Variants in WASHC2A observed in about 807,000 individuals in gnomAD.
WASHC2A encodes the protein WASH complex subunit FAM21A.
In WASHC2A, 82 loss-of-function variants were observed where a neutral mutation model predicts 140.3. The ratio of observed to expected loss-of-function variants is 0.58; its 90% CI spans 0.49 to 0.70. The LOEUF is 0.70. WASHC2A is among the 30% of genes least tolerant of loss of function. WASHC2A has a pLI of 0.00. For synonymous variants in WASHC2A, 340 were observed against 560.8 expected (o/e 0.61, Z 5.56); for missense variants, 985 against 1,521.8 (o/e 0.65, Z 5.87).
At position 50,091,463 on chromosome 10, in the gene WASHC2A, G is replaced by T. The variant is rs1182169052; in HGVS notation, c.876G>T (p.Glu292Asp). The T allele has an allele frequency of 1.5e-5, 24 of 1,550,638 alleles. No individual in the cohort carries two copies. In the African/African-American group the frequency reaches 3.1e-4, roughly 20 times the overall value. ...GCAGACCTACATCGTTTGCAGATGA[G>T]CTGGCTGCCCGCATCAAGGGGGATG... ...KRSRPTSFADELAARIKGDAV... is the reference protein window; with the variant it reads ...KRSRPTSFADDLAARIKGDAV... Residue 292 changes from glutamate to aspartate, a missense_variant, in exon 10 of 31, where the codon GAG becomes GAT. Glu to Asp is a conservative substitution (Grantham distance 45). Transcript: ENST00000282633.
intron 25 of WASHC2A, 92 bp downstream of exon 25, chr10:50,125,541 G>C: frequency 1.2e-6 from 2 of 1,610,246 alleles, no homozygotes; most frequent in Non-Finnish European, 8.5e-7. Context: ...GAAAATCCTA[G>C]GAGAGTCGTG....
intron 28 of WASHC2A, among the ~76,000 whole-genome samples, chr10:50,128,631 C>T (rs1476072081): frequency 2.6e-5 from 4 of 152,134 alleles, no homozygotes; most frequent in Non-Finnish European, 4.4e-5. Context: ...ACAAAACCGC[C>T]TTCCTTTTAA....
chr10:50,075,657 C>T (rs1838246396), intron 3 of WASHC2A, among the ~76,000 whole-genome samples: 1 of 149,096 alleles, frequency 6.7e-6, no homozygotes. Context: ...TTCTTTTCTT[C>T]ATTGACTATT....
In WASHC2A at chr10:50,095,552, G is replaced by T. The variant is rs782669589; in HGVS notation, c.1241-47G>T. On this transcript the variant is annotated intron_variant, in intron 14 of 30. Coordinates refer to ENST00000282633, the MANE Select transcript of WASHC2A (RefSeq NM_001005751.3). ...TAATTTTTTTCTGTAAATTCAACCG[G>T]CCCACACTGGCTCACAGCTGTGGCT... 3.7e-6 allele frequency: 6 copies of T among 1,610,270 alleles called. No homozygotes were observed. The African/African-American group carries it at 4.0e-5, about 11-fold the overall frequency.
intron 17 of WASHC2A, among the ~76,000 whole-genome samples, chr10:50,102,576 A>C (rs1298150012): frequency 2.0e-5 from 3 of 151,294 alleles, no homozygotes; most frequent in Non-Finnish European, 4.4e-5. Flanking sequence ...GACTCCGGGG[A>C]GCACAGGGGA....
chr10:50,102,222 G>A (rs782414859), intron 17 of WASHC2A, among the ~76,000 whole-genome samples: 7,452 of 151,996 alleles, frequency 0.049, 282 homozygotes, highest in African/African-American at 0.11. Context: ...GGCAAGGAGA[G>A]GTAAAACTAA....
At position 50,133,460 on chromosome 10, in the gene WASHC2A, CCCCCCA is replaced by C. The variant is rs2133156424; in HGVS notation, c.*517_*522del. Reference sequence around the variant, plus strand: ...AAGGCAAAGTTTGGCAAACTGTGGCCCCCCCACTGTCATATTTTGTTAATAAAATTT... The same window carrying C: ...AAGGCAAAGTTTGGCAAACTGTGGCCCTGTCATATTTTGTTAATAAAATTT... On this transcript the variant is annotated 3_prime_UTR_variant, in exon 31 of 31. Coordinates refer to ENST00000282633, the MANE Select transcript of WASHC2A (RefSeq NM_001005751.3). 1 of 469,924 alleles carries C rather than the reference CCCCCCA, an allele frequency of 2.1e-6. No homozygotes were observed. Among genetic ancestry groups the C allele is most frequent in the East Asian group, 6.9e-5 (1 of 14,414 alleles). 29.1% of individuals were successfully genotyped at this position (469,924 alleles called of 1,614,324 possible).
intron 27 of WASHC2A, 59 bp downstream of exon 27, chr10:50,127,281 G>T: frequency 1.9e-6 from 3 of 1,611,714 alleles, no homozygotes; most frequent in Non-Finnish European, 2.5e-6. Flanking sequence ...ACTTTTTTGG[G>T]TTTCCTACTT....
intron 3 of WASHC2A, among the ~76,000 whole-genome samples, chr10:50,076,659 A>T (rs1407266921): frequency 6.6e-6 from 1 of 151,986 alleles, no homozygotes; most frequent in African/African-American, 2.4e-5. Context: ...ATCCCTCTCT[A>T]GGTATATAAA....
intron 17 of WASHC2A, among the ~76,000 whole-genome samples, chr10:50,101,663 G>A (rs1841192429): frequency 6.6e-6 from 1 of 152,240 alleles, no homozygotes; most frequent in African/African-American, 2.4e-5. Flanking sequence ...CTTACGAGAT[G>A]TTCTGGTTAT....
intron 17 of WASHC2A, among the ~76,000 whole-genome samples, chr10:50,103,477 G>C (rs1473043599): frequency 6.6e-6 from 1 of 152,090 alleles, no homozygotes; most frequent in Admixed American, 6.6e-5. Context: ...GGAGAATGGC[G>C]TGAATCCGGG....
At chr10:50,072,916 T>C (rs1554876764) in intron 3 of WASHC2A, among the ~76,000 whole-genome samples, 2 of 152,254 alleles carry the variant, frequency 1.3e-5, no homozygotes, top group African/African-American at 2.4e-5. Flanking sequence ...GATAGGTTTC[T>C]GGGTCTTATT....
In WASHC2A at chr10:50,095,609, T is replaced by A; in HGVS notation, c.1251T>A (p.Asp417Glu). 6.2e-7 allele frequency: 1 copy of A among 1,611,900 alleles called. No homozygotes were observed. Among genetic ancestry groups the A allele is most frequent in the Non-Finnish European group, 8.5e-7 (1 of 1,179,856 alleles). The change falls in exon 15 of 31, where the codon GAT (aspartate) becomes GAA (glutamate). Residue 417 changes from aspartate to glutamate, a missense_variant. Asp to Glu is a conservative substitution (Grantham distance 45). Transcript: ENST00000282633. ...TCTTTCCACCCACAGGAGACACGGA[T>A]GTGTTTGGTGCTGCCTCCGTTCCAT... is the stretch of plus-strand genomic sequence containing the variant. ...GAVSVFLGDT[D>E]VFGAASVPSM...
In WASHC2A at chr10:50,126,056, G is replaced by A. The variant is rs1554894844; in HGVS notation, c.2689-1G>A. On this transcript the variant is annotated splice_acceptor_variant, in intron 25 of 30. Transcript: ENST00000282633. LOFTEE classifies it high-confidence loss of function. ...TTTTTGGTATTTTTTTTCTTTTGAA[G>A]GTACAAGAGAAAAAGAGAGTAGTGA... The A allele has an allele frequency of 5.0e-6, 8 of 1,611,562 alleles. No individual in the cohort carries two copies. The highest frequency in any genetic ancestry group is 4.0e-5 in the African/African-American group (3 of 74,576).
intron 26 of WASHC2A, 144 bp downstream of exon 26, chr10:50,126,323 T>C (rs1289179058): frequency 2.8e-6 from 4 of 1,448,308 alleles, no homozygotes; most frequent in South Asian, 1.3e-5. Flanking sequence ...TTCACTGCAC[T>C]CCCCCCAAGT....
chr10:50,099,458 G>A (rs1441057845), intron 16 of WASHC2A, among the ~76,000 whole-genome samples: 8 of 150,766 alleles, frequency 5.3e-5, no homozygotes, highest in Non-Finnish European at 1.0e-4. Flanking sequence ...GACGGGTTTT[G>A]CCCATGTTGG....
intron 3 of WASHC2A, among the ~76,000 whole-genome samples, chr10:50,074,592 C>G (rs1554877163): frequency 6.6e-6 from 1 of 152,046 alleles, no homozygotes; most frequent in African/African-American, 2.4e-5. Flanking sequence ...TATTCTAAGT[C>G]CATTTCCCAT....
At chr10:50,087,129 C>T (rs1186430316) in intron 7 of WASHC2A, 146 bp from the exon 8 acceptor site, 1 of 1,023,400 alleles carries the variant, frequency 9.8e-7, no homozygotes. Flanking sequence ...TTAAGGTGAC[C>T]AGTAGTCAGT....
intron 18 of WASHC2A, 146 bp from the exon 19 acceptor site, chr10:50,106,188 T>A: frequency 1.0e-6 from 1 of 987,980 alleles, no homozygotes; most frequent in Non-Finnish European, 1.5e-6. Context: ...AGTTTGGGAT[T>A]TACTAGCATT....
Sources: allele counts gnomAD v4.1 joint callset (sites outside exome capture counted in the v4.1 genomes callset), GRCh38; gene constraint gnomAD v4.1.1; transcripts MANE v1.5; gene names NCBI Gene and HGNC (gene_info 2026-07-23, HGNC 2026-07-21).